The following SAMD12 variants were observed in gnomAD, a reference collection of about 807,000 sequenced individuals.
SAMD12 encodes sterile alpha motif domain-containing protein 12.
A neutral mutation model predicts 15.0 loss-of-function variants in SAMD12; 9 were observed. That is an observed-to-expected ratio of 0.60 (90% confidence interval 0.36 to 1.05). The LOEUF (loss-of-function observed/expected upper bound fraction) is 1.05. SAMD12 is among the 50% of genes least tolerant of loss of function. The probability of loss-of-function intolerance (pLI) is 0.01; values close to 1 mark genes in which losing one functional copy is unlikely to be tolerated. For missense variants in SAMD12, 230 were observed against 234.2 expected, an observed-to-expected ratio of 0.98 and a Z score of 0.12; for synonymous variants, 86 against 90.1, an observed-to-expected ratio of 0.96 and a Z score of 0.25.
chr8:118,533,202 G>A (rs1220092910), intron 2 of SAMD12, among the ~76,000 whole-genome samples: 2 of 152,204 alleles, frequency 1.3e-5, no homozygotes, highest in Non-Finnish European at 2.9e-5. Context: ...AATGTACCCA[G>A]TAGTCATTCA....
At chr8:118,596,711 C>T (rs1230116817) in intron 1 of SAMD12, among the ~76,000 whole-genome samples, 2 of 152,198 alleles carry the variant, frequency 1.3e-5, no homozygotes, top group Admixed American at 6.5e-5. Context: ...TATTACCTTC[C>T]AGATCTCTTT....
Position 118,494,978 on chromosome 8 carries a change from T to A in SAMD12, c.193-55017A>T, listed in dbSNP as rs553955702. The stretch of plus-strand genomic sequence containing the variant: ...GCAAGTTTCATAAACTTCCCTAAGC[T>A]CACCTTCCCTATCTACAGGCTGGGG... On this transcript the variant is annotated intron_variant, in intron 2 of 3. Coordinates refer to ENST00000314727, the MANE Select transcript of SAMD12 (RefSeq NM_207506.3). 8.9e-4 allele frequency among the ~76,000 whole-genome samples: 136 copies of A among 152,278 alleles called. 1 individual carries two copies. The highest frequency in any genetic ancestry group is 3.2e-3 in the African/African-American group (131 of 41,546).
chr8:118,163,175 C>T, the SAMD12 span, among the ~76,000 whole-genome samples: 254 of 152,134 alleles, frequency 1.7e-3, no homozygotes, highest in African/African-American at 6.0e-3. Context: ...AGTGCAGGGA[C>T]GTCATCACAG....
chr8:118,349,798 C>T (rs1817864286), intron 4 of SAMD12, among the ~76,000 whole-genome samples: 2 of 152,164 alleles, frequency 1.3e-5, no homozygotes, highest in African/African-American at 2.4e-5. Flanking sequence ...TCAGGCAGTA[C>T]CTGTTTTCAC....
chr8:118,133,428 G>A, the SAMD12 span, among the ~76,000 whole-genome samples: 1 of 151,960 alleles, frequency 6.6e-6, no homozygotes, highest in Non-Finnish European at 1.5e-5. Flanking sequence ...GTGGTTTGCT[G>A]CACAGATCAA....
chr8:118,450,140 C>T (rs943168830), intron 2 of SAMD12, among the ~76,000 whole-genome samples: 2 of 152,196 alleles, frequency 1.3e-5, no homozygotes, highest in African/African-American at 4.8e-5. Flanking sequence ...CCACTGCTCA[C>T]AAGCTCTGAA....
chr8:118,298,776 G>A (rs1814863028), intron 4 of SAMD12, among the ~76,000 whole-genome samples: 1 of 152,046 alleles, frequency 6.6e-6, no homozygotes, highest in East Asian at 1.9e-4. Flanking sequence ...GTACAATAGA[G>A]TAAGCAGGTA....
At chr8:118,587,289 T>A (rs1231635902) in intron 1 of SAMD12, among the ~76,000 whole-genome samples, 2 of 152,256 alleles carry the variant, frequency 1.3e-5, no homozygotes, top group South Asian at 4.1e-4. Flanking sequence ...TTTAATTCAT[T>A]ATATTAATTA....
At chr8:118,243,192 CGAT>C (rs913264794) in intron 4 of SAMD12, among the ~76,000 whole-genome samples, 1 of 152,056 alleles carries the variant, frequency 6.6e-6, no homozygotes. Flanking sequence ...AAATGAAAAA[CGAT>C]GAGGTCTTAG....
chr8:118,277,245 T>C (rs892159566), intron 4 of SAMD12, among the ~76,000 whole-genome samples: 5 of 152,206 alleles, frequency 3.3e-5, no homozygotes, highest in African/African-American at 1.2e-4. Context: ...ACATGGTGCA[T>C]AGTTCGAGTT....
intron 4 of SAMD12, among the ~76,000 whole-genome samples, chr8:118,222,031 A>G (rs1406819169): frequency 6.6e-6 from 1 of 152,202 alleles, no homozygotes. Flanking sequence ...GAAGGCCCGA[A>G]TCATGGCAGT....
At chr8:118,361,064 A>G (rs1041986427) in intron 4 of SAMD12, among the ~76,000 whole-genome samples, 19 of 152,142 alleles carry the variant, frequency 1.2e-4, no homozygotes, top group African/African-American at 4.6e-4. Context: ...TCACCTCACA[A>G]CTACCCCCTG....
rs1819524913 is a variant in SAMD12 at position 118,379,003 on chromosome 8, C to G, written c.*414G>C. On this transcript the variant is annotated 3_prime_UTR_variant, in exon 4 of 4. Transcript: ENST00000314727. ...AAGCTAAATGGGGTTCTTACAATCT[C>G]TAAAGTGTGTGTGTATAATACATTC... The G allele has an allele frequency of 3.0e-6, 3 of 983,962 alleles. No homozygotes were observed. The South Asian group carries it at 1.4e-4, about 45-fold the overall frequency. 61.0% of individuals were successfully genotyped at this position (983,962 alleles called of 1,614,324 possible).
intron 1 of SAMD12, among the ~76,000 whole-genome samples, chr8:118,592,513 C>T (rs1827607909): frequency 6.6e-6 from 1 of 151,890 alleles, no homozygotes; most frequent in Admixed American, 6.6e-5. Context: ...GTTGTTTTAC[C>T]TATAAGATTA....
intron 4 of SAMD12, among the ~76,000 whole-genome samples, chr8:118,367,781 T>C (rs1219039659): frequency 6.6e-6 from 1 of 152,160 alleles, no homozygotes; most frequent in Non-Finnish European, 1.5e-5. Context: ...AAAGTCCATA[T>C]TAGACAAATA....
Position 118,502,690 on chromosome 8 carries a change from T to C in SAMD12, c.193-62729A>G, listed in dbSNP as rs142450909. On this transcript the variant is annotated intron_variant, in intron 2 of 3. Transcript: ENST00000314727. The stretch of plus-strand genomic sequence containing the variant: ...ATCTGTTGAACTCCTCAGCCACCGC[T>C]ATAATTTTGAAGAAAACATCTTGAA... Among the ~76,000 whole-genome samples, 935 of 152,370 alleles carry C rather than the reference T, an allele frequency of 6.1e-3. 8 individuals carry two copies. The highest frequency in any genetic ancestry group is 0.02 in the Middle Eastern group (6 of 294).
chr8:118,583,608 A>G (rs1444593841), intron 1 of SAMD12, among the ~76,000 whole-genome samples: 1 of 151,726 alleles, frequency 6.6e-6, no homozygotes, highest in African/African-American at 2.4e-5. Context: ...TTTGACTCTT[A>G]TACTTCCTTC....
At chr8:118,510,072 C>A (rs542433894) in intron 2 of SAMD12, among the ~76,000 whole-genome samples, 99 of 152,078 alleles carry the variant, frequency 6.5e-4, no homozygotes, top group African/African-American at 2.2e-3. Flanking sequence ...CCTTTTTGTA[C>A]CCCCTCACTT....
At chr8:118,429,517 C>T (rs2130865621) in intron 3 of SAMD12, among the ~76,000 whole-genome samples, 1 of 152,292 alleles carries the variant, frequency 6.6e-6, no homozygotes, top group African/African-American at 2.4e-5. Flanking sequence ...AAAATAATTT[C>T]ACTTCTTCCT....
Sources: allele counts gnomAD v4.1 joint callset (sites outside exome capture counted in the v4.1 genomes callset), GRCh38; gene constraint gnomAD v4.1.1; transcripts MANE v1.5; gene names NCBI Gene and HGNC (gene_info 2026-07-23, HGNC 2026-07-21).